The following EP400 variants were observed in gnomAD, a reference collection of about 807,000 sequenced individuals.
The protein encoded by EP400 is E1A binding protein p400, also known as E1A-binding protein p400.
A neutral mutation model predicts 354.1 loss-of-function variants in EP400; 105 were observed. The observed-to-expected ratio is 0.30, with a 90% CI of 0.25 to 0.35. The LOEUF (loss-of-function observed/expected upper bound fraction) is 0.35, where lower values mean the gene tolerates loss of function less well. Ranked by LOEUF, EP400 falls within the 10% of genes least tolerant of loss-of-function variation. EP400 has a pLI of 1.00. For missense variants in EP400, 3,280 were observed against 4,121.0 expected (o/e 0.80, Z 5.59); for synonymous variants, 1,646 against 1,716.9 (o/e 0.96, Z 1.02).
At chr12:132,009,974 G>A (rs547143150) in intron 15 of EP400, among the ~76,000 whole-genome samples, 1 of 151,172 alleles carries the variant, frequency 6.6e-6, no homozygotes, top group African/African-American at 2.4e-5. Flanking sequence ...GTGAGCCACC[G>A]TGCCTAGCCA....
chr12:131,986,678 A>G lies in EP400; in HGVS notation c.2094A>G (p.Ala698=), dbSNP rs1593327447. The change falls in exon 6 of 53, where the codon GCA becomes GCG. Residue 698 remains alanine (A), a synonymous_variant. Coordinates refer to ENST00000389561, the MANE Select transcript of EP400 (RefSeq NM_015409.5). The part of the protein sequence containing the change: ...VNRPSSATNK[A]LSPVTSRTPG... ...GACCTTCCTCAGCCACCAATAAGGC[A>G]CTATCTCCAGTCACTTCCCGGACCC... The G allele has an allele frequency of 3.1e-6, 5 of 1,613,982 alleles. No homozygotes were observed. Among genetic ancestry groups the G allele is most frequent in the African/African-American group, 1.3e-5 (1 of 74,904 alleles).
At chr12:132,002,160 T>A (rs1473212695) in intron 12 of EP400, among the ~76,000 whole-genome samples, 1 of 152,224 alleles carries the variant, frequency 6.6e-6, no homozygotes, top group African/African-American at 2.4e-5. Flanking sequence ...TGGTCTTCTC[T>A]GCCCTACAGT....
At chr12:131,950,866 C>G (rs571246808) in intron 1 of EP400, among the ~76,000 whole-genome samples, 1 of 152,146 alleles carries the variant, frequency 6.6e-6, no homozygotes, top group East Asian at 1.9e-4. Context: ...GGACCAAAGG[C>G]TTGGGCCACC....
chr12:132,026,400 C>T (rs1013839623), intron 25 of EP400, among the ~76,000 whole-genome samples: 11 of 152,182 alleles, frequency 7.2e-5, no homozygotes, highest in African/African-American at 2.7e-4. Flanking sequence ...GTTCCAGCCC[C>T]ACCTTTGCAT....
chr12:132,076,961 G>A (rs1593394294), intron 52 of EP400, among the ~76,000 whole-genome samples: 1 of 152,386 alleles, frequency 6.6e-6, no homozygotes, highest in East Asian at 1.9e-4. Context: ...CAGTGGCCTT[G>A]CCTCCCACAG....
At chr12:132,035,286 G>A (rs988871419) in intron 30 of EP400, among the ~76,000 whole-genome samples, 2 of 152,202 alleles carry the variant, frequency 1.3e-5, no homozygotes, top group African/African-American at 2.4e-5. Flanking sequence ...TGATGGGGAT[G>A]TGGGATTGCT....
In EP400 at chr12:132,045,595, T is replaced by C. The variant is rs200149589; in HGVS notation, c.7026+35T>C. The C allele has an allele frequency of 2.7e-5, 44 of 1,610,416 alleles. No individual in the cohort carries two copies. In the African/African-American group the frequency reaches 2.9e-4, roughly 11 times the overall value. On this transcript the variant is annotated intron_variant, in intron 38 of 52. Coordinates refer to ENST00000389561, the MANE Select transcript of EP400 (RefSeq NM_015409.5). ...CGTGGTCTTTGTGCCAGCGGTCATG[T>C]GCGGTCATTTTTCTAACGCACGTCC...
chr12:131,975,805 T>TA (rs1340202205), intron 2 of EP400, among the ~76,000 whole-genome samples: 4 of 152,180 alleles, frequency 2.6e-5, no homozygotes, highest in African/African-American at 4.8e-5. Flanking sequence ...GTGATCTGTG[T>TA]ACCTTAGGTT....
At chr12:131,984,187 C>G (rs74964014) in intron 5 of EP400, among the ~76,000 whole-genome samples, 1 of 152,106 alleles carries the variant, frequency 6.6e-6, no homozygotes, top group Non-Finnish European at 1.5e-5. Context: ...CGTGAGTCAC[C>G]GCACCCGGCC....
rs1197884216 is a variant in EP400 at position 132,043,632 on chromosome 12, A to G, written c.6367-13A>G. 4 of 1,599,536 alleles carry G rather than the reference A, an allele frequency of 2.5e-6. No individual in the cohort carries two copies. Among genetic ancestry groups the G allele is most frequent in the East Asian group, 4.5e-5 (2 of 44,802 alleles). On this transcript the variant is annotated splice_polypyrimidine_tract_variant and intron_variant, in intron 33 of 52. Transcript: ENST00000389561. ...GCTATTAACCCTATTCAAAAAATAT[A>G]CTTTTGGAACAGCTTACACCAATTG...
At chr12:131,986,895 C>A in intron 6 of EP400, 88 bp downstream of exon 6, 1 of 1,435,542 alleles carries the variant, frequency 7.0e-7, no homozygotes. Context: ...GGCGTAAAAC[C>A]GAATGCCTGG....
At chr12:131,988,462 C>T (rs1025835051) in intron 7 of EP400, among the ~76,000 whole-genome samples, 1 of 152,202 alleles carries the variant, frequency 6.6e-6, no homozygotes, top group Non-Finnish European at 1.5e-5. Flanking sequence ...AGTTAGAAGG[C>T]ACCTGGTATC....
Position 132,013,605 on chromosome 12 carries a change from A to C in EP400, c.3727A>C (p.Arg1243=), listed in dbSNP as rs1313826992. The change falls in exon 18 of 53, where the codon AGG becomes CGG. Residue 1243 remains arginine (R), a synonymous_variant. Transcript: ENST00000389561. This position sits in a 1 kb window ranked among gnomAD's most constrained non-coding sequence, Gnocchi z 4.5. ...CAGGCCCTACCTGAGCTCCCCTCTG[A>C]GGGCCCCCAGTGAAGAGAGCCAGGA... ...ISRPYLSSPL[R]APSEESQDYY... is the part of the protein sequence containing the mutation. 1 of 1,613,900 alleles carries C rather than the reference A, an allele frequency of 6.2e-7. No homozygotes were observed. Among genetic ancestry groups the C allele is most frequent in the Admixed American group, 1.7e-5 (1 of 59,980 alleles).
intron 2 of EP400, chr12:131,963,424 A>G (rs930373379): frequency 3.2e-5 from 25 of 789,662 alleles, no homozygotes; most frequent in Admixed American, 4.5e-5. Flanking sequence ...AAAACATTCC[A>G]TTTTTAAACC....
In EP400 at chr12:132,045,369, C is replaced by T. The variant is rs374418516; in HGVS notation, c.6835C>T (p.Arg2279Trp). 3 of 1,614,120 alleles carry T rather than the reference C, an allele frequency of 1.9e-6. No homozygotes were observed. Among genetic ancestry groups the T allele is most frequent in the Admixed American group, 1.7e-5 (1 of 60,012 alleles). Residue 2279 changes from arginine to tryptophan, a missense_variant, in exon 38 of 53, where the codon CGG (arginine) becomes TGG (tryptophan). Physicochemically the swap from Arg to Trp is moderately radical, Grantham distance 101. Coordinates refer to ENST00000389561, the MANE Select transcript of EP400 (RefSeq NM_015409.5). ...TCACGGGGAGGCGGTCGTCCCTCCT[C>T]GGTCCCTGTTTGACCGCGCAACACC... is the stretch of plus-strand genomic sequence containing the variant. ...QRHGEAVVPPRSLFDRATPGL... is the reference protein window; with the variant it reads ...QRHGEAVVPPWSLFDRATPGL...
chr12:132,072,357 T>G (rs1896093347), intron 51 of EP400, among the ~76,000 whole-genome samples: 1 of 152,240 alleles, frequency 6.6e-6, no homozygotes, highest in Non-Finnish European at 1.5e-5. Flanking sequence ...TTCACAAATT[T>G]TATTATTTGG....
chr12:132,053,204 C>A lies in EP400; in HGVS notation c.7453C>A (p.Arg2485=). ...CCAGGTGGCATCTCTCCGTGCAGAGCGAATCGCAAAAGAGAAAAAGGTCAG... is the reference window on the plus strand; with the variant it reads ...CCAGGTGGCATCTCTCCGTGCAGAGAGAATCGCAAAAGAGAAAAAGGTCAG... ...PIQVASLRAE[R]IAKEKKALAD... Residue 2485 remains arginine, a synonymous_variant, in exon 42 of 53, where the codon CGA becomes AGA. Coordinates refer to ENST00000389561, the MANE Select transcript of EP400 (RefSeq NM_015409.5). The A allele has an allele frequency of 6.2e-7, 1 of 1,613,838 alleles. No individual in the cohort carries two copies. Among genetic ancestry groups the A allele is most frequent in the East Asian group, 2.2e-5 (1 of 44,866 alleles).
chr12:131,956,857 ACTGT>A (rs528573979), intron 1 of EP400, among the ~76,000 whole-genome samples: 256 of 144,168 alleles, frequency 1.8e-3, no homozygotes, highest in Admixed American at 4.6e-3. Flanking sequence ...CCTTTTGTGA[ACTGT>A]CTTTTTTTGT....
chr12:132,034,803 A>T (rs2136562799), intron 30 of EP400, among the ~76,000 whole-genome samples: 1 of 152,286 alleles, frequency 6.6e-6, no homozygotes, highest in African/African-American at 2.4e-5. Flanking sequence ...AAGGACTTGA[A>T]TGTTTTCGGT....
Sources: allele counts gnomAD v4.1 joint callset (sites outside exome capture counted in the v4.1 genomes callset), GRCh38; gene constraint gnomAD v4.1.1; non-coding constraint Gnocchi (gnomAD v3.1); transcripts MANE v1.5; gene names NCBI Gene and HGNC (gene_info 2026-07-23, HGNC 2026-07-21).